ERCC5: variants seen among roughly 807,000 people sequenced by gnomAD.
ERCC5 encodes ERCC excision repair 5, endonuclease.
In ERCC5, 68 loss-of-function variants were observed where a neutral mutation model predicts 105.6. That is an observed-to-expected ratio of 0.64 (90% CI 0.53 to 0.79). The LOEUF (loss-of-function observed/expected upper bound fraction) is 0.79, where lower values mean the gene tolerates loss of function less well. Among genes scored for constraint, ERCC5 ranks in the 30% least tolerant of loss-of-function variants. ERCC5 has a pLI of 0.00. For synonymous variants in ERCC5, 546 were observed against 526.2 expected (o/e 1.04, Z -0.51); for missense variants, 1,373 against 1,426.7 (o/e 0.96, Z 0.61).
At chr13:102,866,501 T>TG (rs1882846384) in intron 10 of ERCC5, 120 bp downstream of exon 10, 1 of 1,603,132 alleles carries the variant, frequency 6.2e-7, no homozygotes, top group Non-Finnish European at 8.5e-7. Context: ...TGCCGTTCCC[T>TG]GGGGGTCACT....
At chr13:102,869,502 G>A (rs1331641557) in intron 12 of ERCC5, among the ~76,000 whole-genome samples, 1 of 151,986 alleles carries the variant, frequency 6.6e-6, no homozygotes, top group African/African-American at 2.4e-5. Context: ...ACTCATTTGA[G>A]TGTGTGTATG....
In ERCC5 at chr13:102,875,316, C is replaced by T. The variant is rs373426451; in HGVS notation, c.2974C>T (p.Arg992Ter). 9.3e-6 allele frequency: 15 copies of T among 1,613,404 alleles called. No homozygotes were observed. Among genetic ancestry groups the T allele is most frequent in the Non-Finnish European group, 1.3e-5 (15 of 1,179,926 alleles). Residue 992 changes from arginine to a stop codon, truncating the protein, a stop_gained, in exon 15 of 15, where the codon CGA becomes TGA. Coordinates refer to ENST00000652225, the MANE Select transcript of ERCC5 (RefSeq NM_000123.4). LOFTEE classifies it low-confidence loss of function (END_TRUNC). ...KQLDAQQTQLRIDSFFRLAQQ... is the reference protein window; with the variant it reads ...KQLDAQQTQL Reference sequence around the variant, plus strand: ...TTTGTTATTTTTTTAGACACAGCTCCGAATTGATTCCTTCTTTAGATTAGC... The same window carrying T: ...TTTGTTATTTTTTTAGACACAGCTCTGAATTGATTCCTTCTTTAGATTAGC...
chr13:102,847,668 T>TTTTTG (rs748983939), intron 1 of ERCC5, among the ~76,000 whole-genome samples: 81 of 152,204 alleles, frequency 5.3e-4, no homozygotes, highest in Non-Finnish European at 9.3e-4. Flanking sequence ...AGCCAAAGGA[T>TTTTTG]TTTTGTTTTG....
Position 102,862,176 on chromosome 13 carries a change from A to T in ERCC5, c.1027A>T (p.Arg343Ter). 6.2e-7 allele frequency: 1 copy of T among 1,614,242 alleles called. No homozygotes were observed. Among genetic ancestry groups the T allele is most frequent in the Non-Finnish European group, 8.5e-7 (1 of 1,180,032 alleles). Residue 343 changes from arginine to a stop codon, truncating the protein, a stop_gained, in exon 8 of 15, where the codon AGA becomes TGA. Transcript: ENST00000652225. LOFTEE classifies it high-confidence loss of function. ...GCCTGATGCTACCCCTCCTTCTCCA[A>T]GAACTTTACTAGCTATGCAAGCTGC... ...KEPDATPPSP[R>*]TLLAMQAALL...
rs764129295 is a variant in ERCC5, at chr13:102,853,861, C to T, written c.369C>T (p.Phe123=). ...FLKRQAIKTA[F]RSKRDEALPS... is the part of the protein sequence containing the mutation. ...AAAGACAAGCCATCAAAACTGCCTTCAGAAGCAAAAGGCAAGAGGAAAATT... is the reference window on the plus strand; with the variant it reads ...AAAGACAAGCCATCAAAACTGCCTTTAGAAGCAAAAGGCAAGAGGAAAATT... The change falls in exon 3 of 15, where the codon TTC becomes TTT. Residue 123 remains phenylalanine (F), a synonymous_variant. Coordinates refer to ENST00000652225, the MANE Select transcript of ERCC5 (RefSeq NM_000123.4). The T allele has an allele frequency of 2.5e-6, 4 of 1,614,168 alleles. No homozygotes were observed. The highest frequency in any genetic ancestry group is 3.4e-6 in the Non-Finnish European group (4 of 1,179,988).
At chr13:102,872,451 G>A in intron 13 of ERCC5, 53 bp downstream of exon 13, 3 of 1,597,840 alleles carry the variant, frequency 1.9e-6, no homozygotes, top group East Asian at 2.2e-5. Context: ...TATGTGTTTG[G>A]TTTAAAACTT....
Position 102,858,334 on chromosome 13 carries a change from G to A in ERCC5, c.588G>A (p.Leu196=), listed in dbSNP as rs1882499491. ...IDIESEDFSS[L]PPEVKHEILT... is the part of the protein sequence containing the mutation. The stretch of plus-strand genomic sequence containing the variant: ...TTGAGTCTGAGGACTTCAGCAGCCT[G>A]CCCCCTGAAGTAAAGCATGAAATCT... Residue 196 remains leucine (L), a synonymous_variant, in exon 6 of 15, where the codon CTG becomes CTA. Coordinates refer to ENST00000652225, the MANE Select transcript of ERCC5 (RefSeq NM_000123.4). 1.1e-5 allele frequency: 17 copies of A among 1,613,956 alleles called. No homozygotes were observed. The highest frequency in any genetic ancestry group is 1.3e-5 in the Non-Finnish European group (15 of 1,180,010).
At chr13:102,872,058 A>C in intron 12 of ERCC5, 140 bp from the exon 13 acceptor site, 1 of 1,036,250 alleles carries the variant, frequency 9.7e-7, no homozygotes, top group South Asian at 1.5e-5. Context: ...TAATAGTACT[A>C]AAATTAATAA....
At position 102,866,357 on chromosome 13, in the gene ERCC5, C is replaced by T. The variant is rs201206202; in HGVS notation, c.2295C>T (p.Thr765=). ...AAGAACGGATCGCTGCTACTGTCAC[C>T]GGACAGATGTTCCTGGAAAGCCAGG... The part of the protein sequence containing the change: ...QQQERIAATV[T]GQMFLESQEL... The change falls in exon 10 of 15, where the codon ACC becomes ACT. Residue 765 remains threonine, a synonymous_variant. Transcript: ENST00000652225. 6.1e-5 allele frequency: 99 copies of T among 1,614,150 alleles called. No homozygotes were observed. The highest frequency in any genetic ancestry group is 3.3e-4 in the Middle Eastern group (2 of 6,058).
intron 10 of ERCC5, 96 bp downstream of exon 10, chr13:102,866,477 TCAGGGCCTGGTGATGCC>T: frequency 1.1e-5 from 18 of 1,608,348 alleles, no homozygotes; most frequent in Non-Finnish European, 1.4e-5. Context: ...CCCCTGGTGC[TCAGGGCCTGGTGATGCC>T]GTTCCCTGGG....
chr13:102,864,174 C>T (rs1244290601), intron 8 of ERCC5, among the ~76,000 whole-genome samples: 1 of 107,584 alleles, frequency 9.3e-6, no homozygotes, highest in Admixed American at 1.1e-4. Flanking sequence ...ACAATTTGTT[C>T]CTGGTATCTG....
intron 2 of ERCC5, among the ~76,000 whole-genome samples, chr13:102,852,791 G>A (rs1882256484): frequency 6.6e-6 from 1 of 152,208 alleles, no homozygotes; most frequent in Non-Finnish European, 1.5e-5. Context: ...TGATATAGAA[G>A]AGTCAGAATG....
At chr13:102,868,592 A>C (rs946138881) in intron 12 of ERCC5, among the ~76,000 whole-genome samples, 32 of 152,262 alleles carry the variant, frequency 2.1e-4, no homozygotes, top group African/African-American at 7.7e-4. Context: ...AGAGATGAGT[A>C]AGGCATAGGC....
chr13:102,856,625 G>T (rs1034165009), intron 5 of ERCC5, among the ~76,000 whole-genome samples: 8 of 152,208 alleles, frequency 5.3e-5, no homozygotes, highest in Non-Finnish European at 1.2e-4. Flanking sequence ...ATCGTCATCT[G>T]TCTGGGTTCC....
At chr13:102,871,611 A>T (rs1291707698) in intron 12 of ERCC5, among the ~76,000 whole-genome samples, 1 of 5,134 alleles carries the variant, frequency 1.9e-4, no homozygotes, top group Non-Finnish European at 3.8e-4. Context: ...TTTTACATAC[A>T]TATGTATTTA....
chr13:102,855,403 C>T (rs4150278), intron 4 of ERCC5, among the ~76,000 whole-genome samples: 12,970 of 152,010 alleles, frequency 0.085, 1,834 homozygotes, highest in African/African-American at 0.29. Context: ...GCACGTGCCA[C>T]CACACCTGGC....
In ERCC5 at chr13:102,865,874, C is replaced by A. The variant is rs376753356; in HGVS notation, c.2162C>A (p.Ala721Glu). 1 of 1,614,052 alleles carries A rather than the reference C, an allele frequency of 6.2e-7. No homozygotes were observed. Among genetic ancestry groups the A allele is most frequent in the African/African-American group, 1.3e-5 (1 of 74,922 alleles). The change falls in exon 9 of 15, where the codon GCG (alanine) becomes GAG (glutamate). Residue 721 changes from alanine (A) to glutamate (E), a missense_variant. Coordinates refer to ENST00000652225, the MANE Select transcript of ERCC5 (RefSeq NM_000123.4). This position sits in a 1 kb window ranked among gnomAD's most constrained non-coding sequence, Gnocchi z 4.0. Reference sequence around the variant, plus strand: ...GAGCCACAGGAAGCTGAGAAAGATGCGGAAGATTCGCTCCATGAATGGCAA... The same window carrying A: ...GAGCCACAGGAAGCTGAGAAAGATGAGGAAGATTCGCTCCATGAATGGCAA... Reference protein sequence around the residue: ...DGEPQEAEKDAEDSLHEWQDI... With the variant: ...DGEPQEAEKDEEDSLHEWQDI...
intron 5 of ERCC5, among the ~76,000 whole-genome samples, chr13:102,857,884 C>T (rs1268276131): frequency 6.6e-6 from 1 of 152,102 alleles, no homozygotes; most frequent in African/African-American, 2.4e-5. Context: ...TGTAATCACT[C>T]TCATATCAGA....
At position 102,846,227 on chromosome 13, in the gene ERCC5, T is replaced by C. The variant is rs774991763; in HGVS notation, c.-40T>C. ...GCAGTCCGTCGTAGAAGAATTAGAGTAGAAGTTGTCGGGGTCCGCTCTTAG... is the reference window on the plus strand; with the variant it reads ...GCAGTCCGTCGTAGAAGAATTAGAGCAGAAGTTGTCGGGGTCCGCTCTTAG... On this transcript the variant is annotated 5_prime_UTR_variant, in exon 1 of 15. Coordinates refer to ENST00000652225, the MANE Select transcript of ERCC5 (RefSeq NM_000123.4). 7 of 1,554,112 alleles carry C rather than the reference T, an allele frequency of 4.5e-6. No individual in the cohort carries two copies. Among genetic ancestry groups the C allele is most frequent in the Non-Finnish European group, 6.2e-6 (7 of 1,131,452 alleles).
Sources: allele counts gnomAD v4.1 joint callset (sites outside exome capture counted in the v4.1 genomes callset), GRCh38; gene constraint gnomAD v4.1.1; non-coding constraint Gnocchi (gnomAD v3.1); transcripts MANE v1.5; gene names NCBI Gene and HGNC (gene_info 2026-07-23, HGNC 2026-07-21).